The following LMAN1L variants were observed in gnomAD, a reference collection of about 807,000 sequenced individuals.
LMAN1L encodes the protein lectin, mannose binding 1 like.
In LMAN1L, 60 loss-of-function variants were observed where a neutral mutation model predicts 58.3. The ratio of observed to expected loss-of-function variants is 1.03; its 90% CI spans 0.84 to 1.27. LMAN1L has a LOEUF of 1.27. Ranked by LOEUF, LMAN1L falls within the 50% of genes most tolerant of loss-of-function variation. The probability of loss-of-function intolerance (pLI) is 0.00; values close to 1 mark genes in which losing one functional copy is unlikely to be tolerated. For missense variants in LMAN1L, 629 were observed against 674.0 expected (o/e 0.93, Z 0.74); for synonymous variants, 280 against 271.6 (o/e 1.03, Z -0.31).
intron 4 of LMAN1L, 49 bp from the exon 5 acceptor site, chr15:74,818,668 TG>T (rs1200209254): frequency 7.1e-7 from 1 of 1,417,244 alleles, no homozygotes; most frequent in East Asian, 2.4e-5. Context: ...CACTCCAGCC[TG>T]GGCAGCGACT....
chr15:74,822,631 C>A lies in LMAN1L; in HGVS notation c.1132-11C>A. On this transcript the variant is annotated splice_polypyrimidine_tract_variant and intron_variant, in intron 10 of 13. Coordinates refer to ENST00000309664, the MANE Select transcript of LMAN1L (RefSeq NM_021819.3). ...GTCCTGGGCCCTAGACAAGAGGCTG[C>A]CCCTCTGCAGGACTCTGCCAAGGTC... is the stretch of plus-strand genomic sequence containing the variant. The A allele has an allele frequency of 6.2e-7, 1 of 1,611,768 alleles. No individual in the cohort carries two copies. The highest frequency in any genetic ancestry group is 1.1e-5 in the South Asian group (1 of 91,020).
At chr15:74,816,828 C>T (rs1172429365) in intron 4 of LMAN1L, 138 bp downstream of exon 4, 1 of 813,648 alleles carries the variant, frequency 1.2e-6, no homozygotes, top group Non-Finnish European at 1.9e-6. Context: ...TGGACTCTCT[C>T]ACTTAGCCGA....
chr15:74,818,520 C>T (rs879101543), intron 4 of LMAN1L, among the ~76,000 whole-genome samples, 198 bp from the exon 5 acceptor site: 4 of 152,240 alleles, frequency 2.6e-5, no homozygotes, highest in South Asian at 4.1e-4. Flanking sequence ...AATGTGAAAC[C>T]CCATCTCTGC....
At chr15:74,823,717 A>T (rs1200396818) in intron 12 of LMAN1L, 35 bp downstream of exon 12, 3 of 1,603,202 alleles carry the variant, frequency 1.9e-6, no homozygotes, top group Non-Finnish European at 2.6e-6. Context: ...TGGGGTCCCC[A>T]ACCTTGACGT....
At chr15:74,825,373 T>G in intron 13 of LMAN1L, 103 bp from the exon 14 acceptor site, 2 of 1,247,328 alleles carry the variant, frequency 1.6e-6, no homozygotes, top group Non-Finnish European at 2.2e-6. Flanking sequence ...ACAGCGGAGG[T>G]TGTGGTGCAG....
chr15:74,822,454 G>GT (rs2063921417), intron 10 of LMAN1L, among the ~76,000 whole-genome samples, 188 bp from the exon 11 acceptor site: 1 of 152,200 alleles, frequency 6.6e-6, no homozygotes, highest in South Asian at 2.1e-4. Context: ...GGAGAGGGGC[G>GT]TGAGTGGAGG....
intron 1 of LMAN1L, chr15:74,813,263 C>A: frequency 1.5e-6 from 1 of 648,352 alleles, no homozygotes; most frequent in South Asian, 1.5e-5. Context: ...TTCCCTGCCC[C>A]AGGACTTCTC....
rs374357826 is a variant in LMAN1L, at chr15:74,824,435, C to A, written c.1408C>A (p.Leu470Ile). 79 of 1,614,074 alleles carry A rather than the reference C, an allele frequency of 4.9e-5. 3 individuals are homozygous for A. The highest frequency in any genetic ancestry group is 2.5e-6 in the Non-Finnish European group (3 of 1,179,992). ...GCAGCCTGGCATCTTCCTGTTCTAC[C>A]TCCTCATTCAGACTGTAGGCTTCTT... ...CLQPGIFLFYLLIQTVGFFGY... is the reference protein window; with the variant it reads ...CLQPGIFLFYILIQTVGFFGY... Residue 470 changes from leucine to isoleucine, a missense_variant, in exon 13 of 14, where the codon CTC (leucine) becomes ATC (isoleucine). Physicochemically the swap from Leu to Ile is conservative, Grantham distance 5 (BLOSUM62 2). Coordinates refer to ENST00000309664, the MANE Select transcript of LMAN1L (RefSeq NM_021819.3).
chr15:74,820,458 C>A (rs2063911201), intron 7 of LMAN1L, 177 bp from the exon 8 acceptor site: 2 of 822,488 alleles, frequency 2.4e-6, no homozygotes, highest in Non-Finnish European at 4.0e-6. Flanking sequence ...CTTGAGGCCA[C>A]AGCAGGGAGG....
At chr15:74,815,202 G>A in intron 1 of LMAN1L, among the ~76,000 whole-genome samples, 1 of 152,238 alleles carries the variant, frequency 6.6e-6, no homozygotes, top group East Asian at 1.9e-4. Context: ...GATTTCAGAG[G>A]CAGTGACAGC....
Position 74,816,151 on chromosome 15 carries a change from C to G in LMAN1L, c.176-6C>G. ...AGCCTGGGGCTTGAGCTGCCCTTGTCCACAGACGCCATCCTGGGCCTGGAG... is the reference window on the plus strand; with the variant it reads ...AGCCTGGGGCTTGAGCTGCCCTTGTGCACAGACGCCATCCTGGGCCTGGAG... On this transcript the variant is annotated splice_polypyrimidine_tract_variant and splice_region_variant and intron_variant, in intron 1 of 13. Coordinates refer to ENST00000309664, the MANE Select transcript of LMAN1L (RefSeq NM_021819.3). 1.9e-6 allele frequency: 3 copies of G among 1,546,372 alleles called. No homozygotes were observed. Among genetic ancestry groups the G allele is most frequent in the Non-Finnish European group, 2.6e-6 (3 of 1,146,244 alleles).
rs1227927366 is a variant in LMAN1L, at chr15:74,825,649, T to A, written c.*44T>A. On this transcript the variant is annotated 3_prime_UTR_variant, in exon 14 of 14. Transcript: ENST00000309664. The stretch of plus-strand genomic sequence containing the variant: ...TTGCATCACTGGGAAGCAGGCAGTG[T>A]CTTGGGTGGGGGCTTGGTCAGTATC... 6.3e-7 allele frequency: 1 copy of A among 1,585,694 alleles called. No individual in the cohort carries two copies. Among genetic ancestry groups the A allele is most frequent in the Admixed American group, 1.7e-5 (1 of 59,474 alleles).
At position 74,812,891 on chromosome 15, in the gene LMAN1L, C is replaced by T. The variant is rs748029665; in HGVS notation, c.37C>T (p.Leu13Phe). 5.0e-6 allele frequency: 8 copies of T among 1,612,904 alleles called. No homozygotes were observed. The highest frequency in any genetic ancestry group is 6.8e-6 in the Non-Finnish European group (8 of 1,179,308). The change falls in exon 1 of 14, where the codon CTT (leucine) becomes TTT (phenylalanine). Residue 13 changes from leucine to phenylalanine, a missense_variant. Leu to Phe is a conservative substitution (Grantham distance 22, BLOSUM62 0). This residue lies in a region of LMAN1L where 573 missense variants were observed against 597.3 expected (regional missense o/e 0.96). Coordinates refer to ENST00000309664, the MANE Select transcript of LMAN1L (RefSeq NM_021819.3). The stretch of plus-strand genomic sequence containing the variant: ...CAGTGGTCCAGGTCCCTTATTCTGC[C>T]TTCTCCTCCTGCTCCTGGACCCCCA... ...AVSGPGPLFC[L>F]LLLLLDPHSP...
chr15:74,823,370 C>G (rs1018246187), intron 11 of LMAN1L, among the ~76,000 whole-genome samples, 189 bp from the exon 12 acceptor site: 4 of 152,082 alleles, frequency 2.6e-5, no homozygotes, highest in African/African-American at 9.7e-5. Context: ...AGATCTTTAT[C>G]TGAGCTAAAG....
chr15:74,814,373 T>TTTTG (rs1480116445), intron 1 of LMAN1L, among the ~76,000 whole-genome samples: 1 of 43,490 alleles, frequency 2.3e-5, no homozygotes. Context: ...TTTGTTTTTG[T>TTTTG]TTTTGTTTTT....
In LMAN1L at chr15:74,820,720, C is replaced by T. The variant is rs760863142; in HGVS notation, c.860C>T (p.Thr287Ile). ...EGLWARLGLG[T>I]REDVTPKSDS... ...CTGTGGGCAAGGCTGGGCTTGGGCA[C>T]CAGGGAGGATGTAACTCCAAAATCA... The change falls in exon 8 of 14, where the codon ACC becomes ATC. Residue 287 changes from threonine to isoleucine, a missense_variant. By Grantham distance (89) the Thr-to-Ile change is moderately conservative. Transcript: ENST00000309664. 1.7e-5 allele frequency: 28 copies of T among 1,613,608 alleles called. No individual in the cohort carries two copies. The Admixed American group carries it at 2.0e-4, about 12-fold the overall frequency.
At chr15:74,821,353 C>A in intron 9 of LMAN1L, 127 bp downstream of exon 9, 1 of 1,154,346 alleles carries the variant, frequency 8.7e-7, no homozygotes, top group Non-Finnish European at 1.2e-6. Context: ...TGCTGCAGGT[C>A]ACAGGATGGG....
At position 74,814,380 on chromosome 15, in the gene LMAN1L, T is replaced by TG. The variant is rs1303981166; in HGVS notation, c.175+1351_175+1352insG. ...AGCTAATTTTTGTTTTTGTTTTTGT[T>TG]TTTTTTTTTTTGAGACGGAGTCTCG... On this transcript the variant is annotated intron_variant, in intron 1 of 13. Transcript: ENST00000309664. 8.1e-5 allele frequency among the ~76,000 whole-genome samples: 10 copies of TG among 123,742 alleles called. 1 individual carries two copies. Among genetic ancestry groups the TG allele is most frequent in the African/African-American group, 2.3e-4 (8 of 35,034 alleles). 81.2% of individuals were successfully genotyped at this position (123,742 alleles called of 152,430 possible).
intron 12 of LMAN1L, chr15:74,824,142 C>G (rs1299302131): frequency 1.6e-6 from 1 of 628,140 alleles, no homozygotes; most frequent in Non-Finnish European, 2.8e-6. Flanking sequence ...GGCCCCAGGC[C>G]TTCCCAGCTG....
Sources: allele counts gnomAD v4.1 joint callset (sites outside exome capture counted in the v4.1 genomes callset), GRCh38; gene constraint gnomAD v4.1.1; regional missense constraint gnomAD v4.1.1; transcripts MANE v1.5; gene names NCBI Gene and HGNC (gene_info 2026-07-23, HGNC 2026-07-21).